The following BAALC variants were observed in gnomAD, a reference collection of about 807,000 sequenced individuals.
The protein encoded by BAALC is BAALC binder of MAP3K1 and KLF4.
Under a neutral mutation model 15.5 loss-of-function variants are expected in BAALC, and 9 were observed. The observed-to-expected ratio is 0.58, with a 90% CI of 0.35 to 1.02. The LOEUF (loss-of-function observed/expected upper bound fraction) is 1.02, where lower values mean the gene tolerates loss of function less well. BAALC is among the 50% of genes least tolerant of loss of function. The pLI is 0.02. For missense variants in BAALC, 201 were observed against 192.4 expected (o/e 1.04, Z -0.27); for synonymous variants, 80 against 74.6 (o/e 1.07, Z -0.37).
chr8:103,156,621 A>G (rs1462095466), intron 1 of BAALC, among the ~76,000 whole-genome samples: 2 of 152,192 alleles, frequency 1.3e-5, no homozygotes, highest in Admixed American at 1.3e-4. Flanking sequence ...AGACGGTGGA[A>G]TGTTCTTCTA....
chr8:103,190,360 T>C (rs548462201), intron 1 of BAALC, among the ~76,000 whole-genome samples: 2 of 152,274 alleles, frequency 1.3e-5, no homozygotes, highest in African/African-American at 4.8e-5. Context: ...CCCCATCCCA[T>C]TGTTTGAGTT....
intron 1 of BAALC, among the ~76,000 whole-genome samples, chr8:103,156,353 TAG>T (rs1308259851): frequency 2.0e-5 from 3 of 152,244 alleles, no homozygotes; most frequent in Non-Finnish European, 4.4e-5. Context: ...ATCAAAGTAT[TAG>T]AGATTTTATT....
At chr8:103,209,620 C>A (rs936955915) in intron 1 of BAALC, among the ~76,000 whole-genome samples, 1 of 152,122 alleles carries the variant, frequency 6.6e-6, no homozygotes, top group Non-Finnish European at 1.5e-5. Context: ...AAAGCCTCAG[C>A]CCTCCTTCAG....
chr8:103,227,171 G>C (rs188851464), intron 2 of BAALC, among the ~76,000 whole-genome samples: 2 of 152,192 alleles, frequency 1.3e-5, no homozygotes, highest in African/African-American at 4.8e-5. Flanking sequence ...TCCTGACTGT[G>C]TGTGTGCGTG....
chr8:103,177,338 CCA>C lies in BAALC; in HGVS notation c.161-35579_161-35578del, dbSNP rs1442553932. 2.6e-5 allele frequency among the ~76,000 whole-genome samples: 4 copies of C among 152,198 alleles called. No homozygotes were observed. The East Asian group carries it at 7.7e-4, about 29-fold the overall frequency. On this transcript the variant is annotated intron_variant, in intron 1 of 2. Coordinates refer to ENST00000309982, the MANE Select transcript of BAALC (RefSeq NM_024812.3). ...TGGCTGAGACTACTGGTGTGCACCA[CCA>C]CTCCCAACTAATTTTTGTATTTTTT...
rs527719277 is a variant in BAALC, at chr8:103,213,212, C to A, written c.327+127C>A. The A allele has an allele frequency of 1.2e-4, 133 of 1,067,790 alleles. 1 individual carries two copies. The African/African-American group carries it at 1.6e-3, about 13-fold the overall frequency. 66.1% of individuals were successfully genotyped at this position (1,067,790 alleles called of 1,614,324 possible). On this transcript the variant is annotated intron_variant, in intron 2 of 2. Coordinates refer to ENST00000309982, the MANE Select transcript of BAALC (RefSeq NM_024812.3). ...ATGGCTCATCTTGGAAAAAAAAAGT[C>A]TCTGCCCCACCCATGTAAAAATTGC...
At chr8:103,191,772 A>C (rs1462198971) in intron 1 of BAALC, among the ~76,000 whole-genome samples, 1 of 152,142 alleles carries the variant, frequency 6.6e-6, no homozygotes, top group Non-Finnish European at 1.5e-5. Flanking sequence ...CTGCATCTAC[A>C]CCCAGAACTT....
intron 1 of BAALC, among the ~76,000 whole-genome samples, chr8:103,201,964 C>T (rs746356272): frequency 2.6e-5 from 4 of 152,184 alleles, no homozygotes; most frequent in Non-Finnish European, 5.9e-5. Flanking sequence ...ATTGTATAGT[C>T]TCAATTTTTA....
intron 2 of BAALC, among the ~76,000 whole-genome samples, chr8:103,221,864 C>A (rs533518663): frequency 6.6e-6 from 1 of 152,212 alleles, no homozygotes; most frequent in African/African-American, 2.4e-5. Context: ...TGACCATGGC[C>A]CATGACACAG....
chr8:103,223,116 G>A (rs1171405725), intron 2 of BAALC, among the ~76,000 whole-genome samples: 2 of 152,086 alleles, frequency 1.3e-5, no homozygotes, highest in Admixed American at 1.3e-4. Flanking sequence ...TTCGAGACCA[G>A]CCTGGCCAAC....
At chr8:103,218,505 A>G (rs999802930) in intron 2 of BAALC, among the ~76,000 whole-genome samples, 1 of 151,982 alleles carries the variant, frequency 6.6e-6, no homozygotes, top group Non-Finnish European at 1.5e-5. Flanking sequence ...GCTGCCTCCA[A>G]ACATTTACTC....
At chr8:103,186,771 T>C (rs1310339231) in intron 1 of BAALC, among the ~76,000 whole-genome samples, 1 of 152,224 alleles carries the variant, frequency 6.6e-6, no homozygotes, top group Non-Finnish European at 1.5e-5. Flanking sequence ...CCTGTGGCTA[T>C]AAGTAAATGA....
rs574849113 is a variant in BAALC, at chr8:103,228,637, C to T, written c.*538C>T. On this transcript the variant is annotated 3_prime_UTR_variant, in exon 3 of 3. Coordinates refer to ENST00000309982, the MANE Select transcript of BAALC (RefSeq NM_024812.3). ...GAAAAAATCAAGGTACAGGAAAACT[C>T]CTTGTTATCCTTGTTTCCTTAGCTT... is the stretch of plus-strand genomic sequence containing the variant. The T allele has an allele frequency of 6.5e-6, 1 of 152,834 alleles. No homozygotes were observed. The highest frequency in any genetic ancestry group is 1.9e-4 in the East Asian group (1 of 5,192). 9.5% of individuals were successfully genotyped at this position (152,834 alleles called of 1,614,324 possible).
At chr8:103,150,353 C>G (rs7002208) in intron 1 of BAALC, among the ~76,000 whole-genome samples, 63,160 of 147,288 alleles carry the variant, frequency 0.43, 13,618 homozygotes, top group Middle Eastern at 0.51. Context: ...GTGTGTGTGT[C>G]TGTGTGTCTG....
chr8:103,162,708 C>T (rs942104873), intron 1 of BAALC, among the ~76,000 whole-genome samples: 1 of 151,944 alleles, frequency 6.6e-6, no homozygotes, highest in African/African-American at 2.4e-5. Context: ...GAATCAGACT[C>T]CACTTCTTAA....
intron 1 of BAALC, among the ~76,000 whole-genome samples, chr8:103,181,454 G>A (rs539230590): frequency 6.6e-6 from 1 of 150,804 alleles, no homozygotes; most frequent in East Asian, 2.0e-4. Flanking sequence ...TGTATTTTTA[G>A]TAGAGATGGG....
chr8:103,228,048 C>T lies in BAALC; in HGVS notation c.387C>T (p.Ser129=), dbSNP rs887809155. The change falls in exon 3 of 3, where the codon AGC becomes AGT. Residue 129 remains serine (S), a synonymous_variant. Transcript: ENST00000309982. ...AKEVTINVTD[S]IQQMDRSRRI... is the part of the protein sequence containing the mutation. ...AAGTCACCATTAATGTAACAGATAG[C>T]ATCCAACAGATGGACAGAAGTCGAA... 19 of 1,613,612 alleles carry T rather than the reference C, an allele frequency of 1.2e-5. No individual in the cohort carries two copies. The highest frequency in any genetic ancestry group is 1.7e-5 in the Admixed American group (1 of 59,996).
intron 1 of BAALC, among the ~76,000 whole-genome samples, chr8:103,151,692 A>G (rs986306914): frequency 6.6e-6 from 1 of 152,030 alleles, no homozygotes; most frequent in Non-Finnish European, 1.5e-5. Context: ...TTCATTCCTC[A>G]TTAATATGCG....
At chr8:103,160,334 A>G (rs1811196557) in intron 1 of BAALC, among the ~76,000 whole-genome samples, 1 of 152,174 alleles carries the variant, frequency 6.6e-6, no homozygotes, top group Admixed American at 6.6e-5. Context: ...TGCCCTATGT[A>G]AATGGAGAGG....
Sources: allele counts gnomAD v4.1 joint callset (sites outside exome capture counted in the v4.1 genomes callset), GRCh38; gene constraint gnomAD v4.1.1; transcripts MANE v1.5; gene names NCBI Gene and HGNC (gene_info 2026-07-23, HGNC 2026-07-21).